The following LMAN2L variants were observed in gnomAD, a reference collection of about 807,000 sequenced individuals.
The protein encoded by LMAN2L is VIP36-like protein.
In LMAN2L, 30 loss-of-function variants were observed where a neutral mutation model predicts 44.3. That is an observed-to-expected ratio of 0.68 (90% CI 0.51 to 0.92). The LOEUF is 0.92. Ranked by LOEUF, LMAN2L falls within the 40% of genes least tolerant of loss-of-function variation. The pLI is 0.00. For missense variants in LMAN2L, 429 were observed against 446.1 expected (o/e 0.96, Z 0.35); for synonymous variants, 183 against 171.1 (o/e 1.07, Z -0.54).
chr2:96,710,966 T>C (rs2077902235), intron 6 of LMAN2L, among the ~76,000 whole-genome samples: 2 of 152,056 alleles, frequency 1.3e-5, no homozygotes, highest in African/African-American at 4.8e-5. Flanking sequence ...GAATCAGGCA[T>C]AAGTAGAAAA....
chr2:96,718,766 T>C (rs1217918938), intron 4 of LMAN2L, among the ~76,000 whole-genome samples: 1 of 152,210 alleles, frequency 6.6e-6, no homozygotes, highest in Non-Finnish European at 1.5e-5. Flanking sequence ...TACACATTAC[T>C]AGGCAGCCTG....
intron 4 of LMAN2L, among the ~76,000 whole-genome samples, chr2:96,733,144 G>A (rs1021215953): frequency 3.9e-5 from 6 of 152,204 alleles, no homozygotes; most frequent in Non-Finnish European, 8.8e-5. Flanking sequence ...AGTTGCAGAA[G>A]AGAGCACAGC....
intron 2 of LMAN2L, among the ~76,000 whole-genome samples, chr2:96,736,039 G>A (rs1312557198): frequency 6.6e-6 from 1 of 152,156 alleles, no homozygotes; most frequent in African/African-American, 2.4e-5. Flanking sequence ...CAGAGAAAGA[G>A]TGAAATTCAG....
chr2:96,727,391 G>A (rs1028413957), intron 4 of LMAN2L, among the ~76,000 whole-genome samples: 1 of 152,122 alleles, frequency 6.6e-6, no homozygotes, highest in Non-Finnish European at 1.5e-5. Flanking sequence ...TAGCACCTTG[G>A]GGGGCCAAAG....
At chr2:96,711,288 G>A (rs1041610509) in intron 6 of LMAN2L, among the ~76,000 whole-genome samples, 3 of 152,144 alleles carry the variant, frequency 2.0e-5, no homozygotes, top group Non-Finnish European at 4.4e-5. Context: ...GAAGAGGGAC[G>A]GCAAAGTCAA....
intron 4 of LMAN2L, among the ~76,000 whole-genome samples, chr2:96,724,767 C>T (rs1480512699): frequency 6.6e-6 from 1 of 152,214 alleles, no homozygotes; most frequent in Admixed American, 6.5e-5. Context: ...CTGCCTCTGC[C>T]TCCCGAGTAG....
At chr2:96,714,600 A>G (rs1466719984) in intron 4 of LMAN2L, among the ~76,000 whole-genome samples, 2 of 152,264 alleles carry the variant, frequency 1.3e-5, no homozygotes, top group Non-Finnish European at 1.5e-5. Context: ...GACAATTAAG[A>G]AAAAGGGATT....
At chr2:96,713,214 G>T in intron 4 of LMAN2L, 1 of 1,290,480 alleles carries the variant, frequency 7.7e-7, no homozygotes, top group South Asian at 1.3e-5. Flanking sequence ...GAAAGACACA[G>T]CCACAGAAGA....
chr2:96,738,047 A>G lies in LMAN2L; in HGVS notation c.208T>C (p.Ser70Pro). The G allele has an allele frequency of 6.2e-7, 1 of 1,613,838 alleles. No homozygotes were observed. The highest frequency in any genetic ancestry group is 8.5e-7 in the Non-Finnish European group (1 of 1,179,694). Reference protein sequence around the residue: ...PYQGVGTGSSSLWNLMGNAMV... With the variant: ...PYQGVGTGSSPLWNLMGNAMV... ...GCATTGCCCATCAGATTCCACAGTG[A>G]GGAACTGCCTGTGCCCACACCTACA... The change falls in exon 2 of 8, where the codon TCA becomes CCA. Residue 70 changes from serine (S) to proline (P), a missense_variant. Transcript: ENST00000264963.
intron 4 of LMAN2L, among the ~76,000 whole-genome samples, chr2:96,717,717 T>C (rs566539224): frequency 3.3e-5 from 5 of 151,312 alleles, no homozygotes; most frequent in African/African-American, 1.2e-4. Flanking sequence ...CATATGCCTG[T>C]AATCCCAGCT....
chr2:96,719,136 A>G (rs910748979), intron 4 of LMAN2L, among the ~76,000 whole-genome samples: 2 of 152,166 alleles, frequency 1.3e-5, no homozygotes, highest in African/African-American at 4.8e-5. Context: ...ACTGCTGACC[A>G]TCATTCTGAT....
intron 4 of LMAN2L, among the ~76,000 whole-genome samples, chr2:96,730,906 C>A (rs925949528): frequency 6.6e-6 from 1 of 152,200 alleles, no homozygotes; most frequent in African/African-American, 2.4e-5. Context: ...GTCTCCTGAC[C>A]TCGTGATCCA....
chr2:96,739,790 T>C (rs927902599), intron 1 of LMAN2L, 64 bp downstream of exon 1: 29 of 1,544,840 alleles, frequency 1.9e-5, no homozygotes, highest in Admixed American at 8.4e-5. Context: ...CCCCCGCCTC[T>C]ACCCCTGAAA....
At chr2:96,728,030 G>C (rs1487428321) in intron 4 of LMAN2L, among the ~76,000 whole-genome samples, 1 of 152,216 alleles carries the variant, frequency 6.6e-6, no homozygotes, top group Non-Finnish European at 1.5e-5. Context: ...AATAATGTAT[G>C]TGAAAGTGCT....
intron 2 of LMAN2L, among the ~76,000 whole-genome samples, chr2:96,736,404 G>A (rs1467531535): frequency 1.3e-5 from 2 of 152,152 alleles, no homozygotes; most frequent in African/African-American, 4.8e-5. Context: ...CCATAGTCAT[G>A]GTGATAGCCA....
chr2:96,707,508 C>G (rs1331581831), intron 7 of LMAN2L, 110 bp from the exon 8 acceptor site: 2 of 1,350,716 alleles, frequency 1.5e-6, no homozygotes, highest in African/African-American at 1.5e-5. Context: ...TTCTGGGAAG[C>G]CAGAGCTTAG....
At chr2:96,729,667 C>A (rs1350747520) in intron 4 of LMAN2L, among the ~76,000 whole-genome samples, 1 of 150,570 alleles carries the variant, frequency 6.6e-6, no homozygotes, top group African/African-American at 2.5e-5. Context: ...CGCCACCACA[C>A]CTGGCTAATT....
At chr2:96,728,722 A>C (rs967309342) in intron 4 of LMAN2L, among the ~76,000 whole-genome samples, 7 of 151,414 alleles carry the variant, frequency 4.6e-5, no homozygotes, top group Non-Finnish European at 7.4e-5. Context: ...GTGTGCCTGT[A>C]ATCAGCCAGA....
Position 96,707,143 on chromosome 2 carries a change from C to T in LMAN2L, c.*113G>A. ...CAAAACTCCAGTGACAGAATATAGT[C>T]CCCAACCAGCTGCTAGAGACAAGAA... On this transcript the variant is annotated 3_prime_UTR_variant, in exon 8 of 8. Coordinates refer to ENST00000264963, the MANE Select transcript of LMAN2L (RefSeq NM_030805.4). The T allele has an allele frequency of 3.9e-6, 4 of 1,029,434 alleles. No individual in the cohort carries two copies. The highest frequency in any genetic ancestry group is 5.7e-6 in the Non-Finnish European group (4 of 704,966). 63.8% of individuals were successfully genotyped at this position (1,029,434 alleles called of 1,614,324 possible).
Sources: allele counts gnomAD v4.1 joint callset (sites outside exome capture counted in the v4.1 genomes callset), GRCh38; gene constraint gnomAD v4.1.1; transcripts MANE v1.5; gene names NCBI Gene and HGNC (gene_info 2026-07-23, HGNC 2026-07-21).